The following GTF2E1 variants were observed in gnomAD, a reference collection of about 807,000 sequenced individuals.
The protein encoded by GTF2E1 is general transcription factor IIE subunit 1.
GTF2E1 carries 14 observed loss-of-function variants against 34.9 expected under a neutral mutation model. That is an observed-to-expected ratio of 0.40 (90% CI 0.27 to 0.63). The LOEUF is 0.63. GTF2E1 is among the 20% of genes least tolerant of loss of function. The pLI is 0.39. For synonymous variants in GTF2E1, 188 were observed against 192.9 expected, an observed-to-expected ratio of 0.97 and a Z score of 0.21; for missense variants, 469 against 557.7, an observed-to-expected ratio of 0.84 and a Z score of 1.60.
intron 2 of GTF2E1, among the ~76,000 whole-genome samples, chr3:120,761,543 C>G (rs1312893039): frequency 6.6e-6 from 1 of 152,156 alleles, no homozygotes; most frequent in Non-Finnish European, 1.5e-5. Flanking sequence ...TTCCTGCTTT[C>G]TCTTGTGGGC....
At position 120,770,980 on chromosome 3, in the gene GTF2E1, G is replaced by GT. The variant is rs142495803; in HGVS notation, c.650+55dup. The stretch of plus-strand genomic sequence containing the variant: ...TAAGAACACATTTCAACCTGTTCTT[G>GT]TTTTAACTACCTGTACCTTGGAGAA... On this transcript the variant is annotated intron_variant, in intron 3 of 4. Transcript: ENST00000283875. The GT allele has an allele frequency of 2.3e-3, 3,268 of 1,426,186 alleles. 63 individuals carry two copies. The African/African-American group carries it at 0.042, about 18-fold the overall frequency. The allele number at this position is 1,426,186 out of a possible 1,614,324, so 88.3% of individuals were successfully genotyped here.
rs576427889 is a variant in GTF2E1, at chr3:120,762,472, C to G, written c.449-8256C>G. On this transcript the variant is annotated intron_variant, in intron 2 of 4. Transcript: ENST00000283875. ...TGATCTCTTTACCATTATGTAGTGGCCTTCTTTGTCTCTTTTGATGCAAAG... is the reference window on the plus strand; with the variant it reads ...TGATCTCTTTACCATTATGTAGTGGGCTTCTTTGTCTCTTTTGATGCAAAG... Among the ~76,000 whole-genome samples, 163 of 152,224 alleles carry G rather than the reference C, an allele frequency of 1.1e-3. 1 individual carries two copies. Among genetic ancestry groups the G allele is most frequent in the Non-Finnish European group, 2.9e-4 (20 of 68,010 alleles).
intron 2 of GTF2E1, among the ~76,000 whole-genome samples, chr3:120,768,620 T>A (rs1174932454): frequency 1.3e-5 from 2 of 152,214 alleles, no homozygotes; most frequent in Non-Finnish European, 2.9e-5. Context: ...TAGGTGCTTA[T>A]TTTTCAACAG....
intron 4 of GTF2E1, among the ~76,000 whole-genome samples, chr3:120,780,321 T>C (rs1012193606): frequency 6.6e-6 from 1 of 152,118 alleles, no homozygotes; most frequent in South Asian, 2.1e-4. Context: ...AAATAGAGCA[T>C]TGGGAATGTA....
At chr3:120,770,697 C>G in intron 2 of GTF2E1, 31 bp from the exon 3 acceptor site, 1 of 1,532,872 alleles carries the variant, frequency 6.5e-7, no homozygotes, top group Non-Finnish European at 9.0e-7. Flanking sequence ...AAAGTCTTCT[C>G]TCTGACCTGA....
intron 2 of GTF2E1, among the ~76,000 whole-genome samples, chr3:120,765,025 C>G (rs1709295281): frequency 1.3e-5 from 2 of 150,888 alleles, no homozygotes; most frequent in Non-Finnish European, 1.5e-5. Flanking sequence ...CAATCCCTTC[C>G]CCCCACCCTC....
At chr3:120,761,152 G>A (rs1709259543) in intron 2 of GTF2E1, among the ~76,000 whole-genome samples, 1 of 152,092 alleles carries the variant, frequency 6.6e-6, no homozygotes, top group African/African-American at 2.4e-5. Context: ...TCTTGGGAGG[G>A]TATATGTGTC....
intron 2 of GTF2E1, among the ~76,000 whole-genome samples, chr3:120,760,716 A>C (rs1261500760): frequency 6.6e-6 from 1 of 151,918 alleles, no homozygotes; most frequent in Non-Finnish European, 1.5e-5. Flanking sequence ...TGTTTATGTG[A>C]TGGATTACAT....
intron 3 of GTF2E1, among the ~76,000 whole-genome samples, chr3:120,773,782 C>A (rs529091822): frequency 7.2e-5 from 11 of 152,094 alleles, no homozygotes; most frequent in Non-Finnish European, 1.3e-4. Context: ...TTGTCATCTT[C>A]AATTAAAATT....
At chr3:120,768,883 T>C in intron 2 of GTF2E1, among the ~76,000 whole-genome samples, 1 of 152,200 alleles carries the variant, frequency 6.6e-6, no homozygotes, top group East Asian at 1.9e-4. Context: ...AGTTTTCAAC[T>C]CTTGTTGGCC....
intron 2 of GTF2E1, among the ~76,000 whole-genome samples, chr3:120,763,026 ACAT>A (rs1168987501): frequency 6.6e-6 from 1 of 152,170 alleles, no homozygotes; most frequent in Non-Finnish European, 1.5e-5. Flanking sequence ...TGCTCTGTTT[ACAT>A]CTTCAGAAAC....
chr3:120,750,871 C>G lies in GTF2E1; in HGVS notation c.319C>G (p.Leu107Val). 1.9e-6 allele frequency: 3 copies of G among 1,613,782 alleles called. No individual in the cohort carries two copies. The highest frequency in any genetic ancestry group is 2.5e-6 in the Non-Finnish European group (3 of 1,179,720). Residue 107 changes from leucine to valine, a missense_variant, in exon 2 of 5, where the codon CTG (leucine) becomes GTG (valine). Physicochemically the swap from Leu to Val is conservative, Grantham distance 32. Transcript: ENST00000283875. Reference protein sequence around the residue: ...RTLVNVVKYKLDHMRRRIETD... With the variant: ...RTLVNVVKYKVDHMRRRIETD... ...TCTTGTTAATGTGGTAAAATATAAA[C>G]TGGACCACATGAGAAGAAGAATTGA...
chr3:120,749,395 A>G (rs1403781424), intron 1 of GTF2E1, among the ~76,000 whole-genome samples: 1 of 152,206 alleles, frequency 6.6e-6, no homozygotes, highest in African/African-American at 2.4e-5. Context: ...TGGGTTTGTC[A>G]TAGATAGCTC....
chr3:120,750,498 A>T, intron 1 of GTF2E1, 25 bp from the exon 2 acceptor site: 1 of 1,422,438 alleles, frequency 7.0e-7, no homozygotes, highest in Non-Finnish European at 9.8e-7. Flanking sequence ...TACCTGGCTA[A>T]TTTTCTGTTT....
In GTF2E1 at chr3:120,756,880, C is replaced by T. The variant is rs555355754; in HGVS notation, c.448+5880C>T. 5.3e-5 allele frequency among the ~76,000 whole-genome samples: 8 copies of T among 152,074 alleles called. 1 individual carries two copies. The highest frequency in any genetic ancestry group is 4.1e-4 in the South Asian group (2 of 4,826). ...GCCAGAGGTTGCAGTGAGCCGAGAT[C>T]GCACCACTGCACTCCAGTCTGGGCG... is the stretch of plus-strand genomic sequence containing the variant. On this transcript the variant is annotated intron_variant, in intron 2 of 4. Transcript: ENST00000283875.
Position 120,781,424 on chromosome 3 carries a change from C to T in GTF2E1, c.1274C>T (p.Ala425Val), listed in dbSNP as rs1462841352. 1 of 1,613,956 alleles carries T rather than the reference C, an allele frequency of 6.2e-7. No individual in the cohort carries two copies. The highest frequency in any genetic ancestry group is 8.5e-7 in the Non-Finnish European group (1 of 1,179,934). Residue 425 changes from alanine (A) to valine (V), a missense_variant, in exon 5 of 5, where the codon GCA becomes GTA. Transcript: ENST00000283875. ...CAGATGACACCAGAAGAAAAGGAAG[C>T]ATATATAGCAATGGGACAACGCATG... is the stretch of plus-strand genomic sequence containing the variant. ...VAQMTPEEKEAYIAMGQRMFE... is the reference protein window; with the variant it reads ...VAQMTPEEKEVYIAMGQRMFE...
intron 1 of GTF2E1, among the ~76,000 whole-genome samples, chr3:120,747,090 GTTGTTTTGTTTTT>G (rs1288162685): frequency 2.6e-5 from 4 of 151,146 alleles, no homozygotes; most frequent in Admixed American, 6.6e-5. Flanking sequence ...CCAGTTTTGT[GTTGTTTTGTTTTT>G]TTGTTTTGTT....
chr3:120,767,276 A>G (rs1478381082), intron 2 of GTF2E1, among the ~76,000 whole-genome samples: 2 of 152,178 alleles, frequency 1.3e-5, no homozygotes, highest in Non-Finnish European at 2.9e-5. Flanking sequence ...GGATGTTTAT[A>G]TAACGAGCAG....
chr3:120,746,489 C>CAAA (rs10662803), intron 1 of GTF2E1, among the ~76,000 whole-genome samples: 2 of 136,132 alleles, frequency 1.5e-5, no homozygotes, highest in African/African-American at 5.3e-5. Context: ...ACCCTGTCTC[C>CAAA]AAAAAAAAAA....
Sources: gnomAD v4.1 joint callset for allele counts (sites outside exome capture counted in the v4.1 genomes callset) on GRCh38, gnomAD v4.1.1 for gene constraint, MANE v1.5 for transcripts, NCBI Gene and HGNC (gene_info 2026-07-23, HGNC 2026-07-21) for gene names.